Variants in BAIAP2L1 observed in about 807,000 individuals in gnomAD.
BAIAP2L1 encodes the protein BAR/IMD domain-containing adapter protein 2-like 1.
In BAIAP2L1, 35 loss-of-function variants were observed where a neutral mutation model predicts 66.3. The ratio of observed to expected loss-of-function variants is 0.53; its 90% CI spans 0.40 to 0.70. BAIAP2L1 has a LOEUF of 0.70. BAIAP2L1 is among the 30% of genes least tolerant of loss of function. BAIAP2L1 has a pLI of 0.00. For missense variants in BAIAP2L1, 622 were observed against 656.9 expected, an observed-to-expected ratio of 0.95 and a Z score of 0.58; for synonymous variants, 269 against 248.7, an observed-to-expected ratio of 1.08 and a Z score of -0.77.
chr7:98,399,971 C>T (rs1803314633), intron 1 of BAIAP2L1: 1 of 152,016 alleles, frequency 6.6e-6, no homozygotes, highest in Non-Finnish European at 1.5e-5. Flanking sequence ...ACGCCCAGAG[C>T]TCGGCTCACC....
chr7:98,371,518 T>C (rs773166255), intron 1 of BAIAP2L1, among the ~76,000 whole-genome samples: 2 of 152,238 alleles, frequency 1.3e-5, no homozygotes, highest in Non-Finnish European at 2.9e-5. Context: ...GATTTCTAGC[T>C]GCCCTGTTTA....
At chr7:98,392,653 A>T (rs1803073006) in intron 1 of BAIAP2L1, among the ~76,000 whole-genome samples, 1 of 152,124 alleles carries the variant, frequency 6.6e-6, no homozygotes, top group Admixed American at 6.6e-5. Context: ...ATAAATTATG[A>T]TGAAAAATGG....
intron 7 of BAIAP2L1, among the ~76,000 whole-genome samples, chr7:98,313,859 G>T (rs897317163): frequency 6.6e-6 from 1 of 151,182 alleles, no homozygotes. Flanking sequence ...GGAACTCCTG[G>T]GCTCAAGTGA....
chr7:98,360,225 A>G (rs1351973098), intron 2 of BAIAP2L1, among the ~76,000 whole-genome samples: 1 of 151,774 alleles, frequency 6.6e-6, no homozygotes, highest in Non-Finnish European at 1.5e-5. Context: ...GCCTGGCCTG[A>G]GCTAATTTTT....
intron 1 of BAIAP2L1, among the ~76,000 whole-genome samples, chr7:98,393,406 C>T (rs907792926): frequency 6.6e-6 from 1 of 151,688 alleles, no homozygotes; most frequent in African/African-American, 2.4e-5. Flanking sequence ...AACTGGAGCT[C>T]GGAGTGGGGT....
At chr7:98,346,947 G>T (rs1395257845) in intron 3 of BAIAP2L1, among the ~76,000 whole-genome samples, 2 of 152,170 alleles carry the variant, frequency 1.3e-5, no homozygotes, top group African/African-American at 2.4e-5. Flanking sequence ...GAGCCAAGTG[G>T]CTGTGATGAA....
intron 1 of BAIAP2L1, among the ~76,000 whole-genome samples, chr7:98,367,534 CTTT>C (rs1380227043): frequency 2.6e-5 from 3 of 114,504 alleles, no homozygotes; most frequent in South Asian, 2.8e-4. Context: ...CCACACCTGG[CTTT>C]TTTTTTTTTT....
chr7:98,363,862 GGAGA>G (rs1201603456), intron 1 of BAIAP2L1, among the ~76,000 whole-genome samples: 1 of 152,140 alleles, frequency 6.6e-6, no homozygotes, highest in African/African-American at 2.4e-5. Context: ...TGAATCAGGA[GGAGA>G]GAGAGAATAG....
chr7:98,323,728 C>A (rs1223888483), intron 3 of BAIAP2L1, among the ~76,000 whole-genome samples: 2 of 152,216 alleles, frequency 1.3e-5, no homozygotes, highest in Non-Finnish European at 2.9e-5. Context: ...CAACACCTGG[C>A]CTTGTTATTC....
chr7:98,365,384 T>A (rs569146326), intron 1 of BAIAP2L1, among the ~76,000 whole-genome samples: 1 of 152,172 alleles, frequency 6.6e-6, no homozygotes, highest in South Asian at 2.1e-4. Flanking sequence ...CTAACAGATA[T>A]CCTCAACTTT....
intron 3 of BAIAP2L1, among the ~76,000 whole-genome samples, chr7:98,353,457 TTTATA>T (rs887694777): frequency 8.1e-5 from 11 of 135,850 alleles, no homozygotes; most frequent in African/African-American, 2.7e-4. Context: ...TACATACATA[TTTATA>T]TTATAAATAT....
At chr7:98,341,310 G>A (rs1047405385) in intron 3 of BAIAP2L1, among the ~76,000 whole-genome samples, 1 of 152,086 alleles carries the variant, frequency 6.6e-6, no homozygotes, top group African/African-American at 2.4e-5. Flanking sequence ...ACCATATGAT[G>A]GTTTGCAATT....
intron 3 of BAIAP2L1, among the ~76,000 whole-genome samples, chr7:98,347,716 AGT>A (rs1211221135): frequency 6.6e-6 from 1 of 152,088 alleles, no homozygotes; most frequent in African/African-American, 2.4e-5. Flanking sequence ...CGGAGCGTGC[AGT>A]GAGCCAAGAT....
intron 3 of BAIAP2L1, among the ~76,000 whole-genome samples, chr7:98,320,622 G>A (rs1279776876): frequency 5.3e-5 from 8 of 151,656 alleles, no homozygotes; most frequent in African/African-American, 1.2e-4. Context: ...GGTGTGAGCC[G>A]CCGCGCCAGG....
chr7:98,359,156 G>A (rs2115713134), intron 2 of BAIAP2L1, among the ~76,000 whole-genome samples: 2 of 152,294 alleles, frequency 1.3e-5, no homozygotes, highest in Admixed American at 1.3e-4. Flanking sequence ...CTGCCTTATA[G>A]GAGAAATAAG....
At chr7:98,386,865 A>G (rs1802906282) in intron 1 of BAIAP2L1, among the ~76,000 whole-genome samples, 1 of 151,410 alleles carries the variant, frequency 6.6e-6, no homozygotes, top group African/African-American at 2.4e-5. Context: ...GCACCCAACT[A>G]ATTTTTTGTA....
intron 1 of BAIAP2L1, among the ~76,000 whole-genome samples, chr7:98,396,602 T>G (rs1235436666): frequency 1.3e-5 from 2 of 152,186 alleles, no homozygotes; most frequent in African/African-American, 2.4e-5. Flanking sequence ...ACAACTATCC[T>G]GGCCAACATG....
At chr7:98,376,553 G>C (rs1802635789) in intron 1 of BAIAP2L1, among the ~76,000 whole-genome samples, 1 of 150,520 alleles carries the variant, frequency 6.6e-6, no homozygotes, top group Admixed American at 6.7e-5. Context: ...GGGAGCGGTG[G>C]CTCAAGCCTG....
chr7:98,296,113 C>A (rs1047439077), intron 12 of BAIAP2L1, among the ~76,000 whole-genome samples: 23 of 152,158 alleles, frequency 1.5e-4, no homozygotes, highest in African/African-American at 5.6e-4. Context: ...CAGGTCACCA[C>A]ACAGCACTGA....
Sources: gnomAD v4.1 joint callset for allele counts (sites outside exome capture counted in the v4.1 genomes callset) on GRCh38, gnomAD v4.1.1 for gene constraint, MANE v1.5 for transcripts, NCBI Gene and HGNC (gene_info 2026-07-23, HGNC 2026-07-21) for gene names.